Variants in GLIS3 observed in about 807,000 individuals in gnomAD.
GLIS3 encodes the protein zinc finger protein GLIS3.
Under a neutral mutation model 78.6 loss-of-function variants are expected in GLIS3, and 53 were observed. The observed-to-expected ratio is 0.67, with a 90% CI of 0.54 to 0.85. The LOEUF is 0.85. Among genes scored for constraint, GLIS3 ranks in the 40% least tolerant of loss-of-function variants. The pLI, the probability that GLIS3 is intolerant of heterozygous loss-of-function variation, is 0.00. For synonymous variants in GLIS3, 684 were observed against 509.9 expected (o/e 1.34, Z -4.60); for missense variants, 1,703 against 1,231.1 (o/e 1.38, Z -5.74).
chr9:4,364,469 T>C, the GLIS3 span, among the ~76,000 whole-genome samples: 3 of 152,120 alleles, frequency 2.0e-5, no homozygotes, highest in African/African-American at 4.8e-5. Context: ...GTTAAAGGAA[T>C]TGTATGCTAC....
At chr9:4,380,517 C>T in the GLIS3 span, among the ~76,000 whole-genome samples, 2 of 152,200 alleles carry the variant, frequency 1.3e-5, no homozygotes, top group African/African-American at 4.8e-5. Flanking sequence ...TCTATCAGTA[C>T]ATCTCACACT....
chr9:3,827,453 G>C lies in GLIS3; in HGVS notation c.*819C>G, dbSNP rs899392612. On this transcript the variant is annotated 3_prime_UTR_variant, in exon 11 of 11. Coordinates refer to ENST00000381971, the MANE Select transcript of GLIS3 (RefSeq NM_001042413.2). The stretch of plus-strand genomic sequence containing the variant: ...GTTCCAGCTACAGGACTGTTGGTGC[G>C]GGAGGTGCCCACTCCATTTCCCTCA... 6.6e-6 allele frequency: 1 copy of C among 152,270 alleles called. No homozygotes were observed. The highest frequency in any genetic ancestry group is 1.5e-5 in the Non-Finnish European group (1 of 68,136). The allele number at this position is 152,270 out of a possible 1,614,324, so 9.4% of individuals were successfully genotyped here. A position where few individuals can be genotyped will look rare whatever the true frequency, so the allele number is the denominator to read the frequency against.
intron 4 of GLIS3, among the ~76,000 whole-genome samples, chr9:4,009,840 G>C (rs756163695): frequency 6.6e-6 from 1 of 152,206 alleles, no homozygotes; most frequent in African/African-American, 2.4e-5. Flanking sequence ...CCCTTATGCA[G>C]ATAGAGGCAG....
At chr9:4,442,548 A>G in the GLIS3 span, among the ~76,000 whole-genome samples, 1 of 151,876 alleles carries the variant, frequency 6.6e-6, no homozygotes. Context: ...TTTCTAACTC[A>G]TTCCTTTTCA....
the GLIS3 span, among the ~76,000 whole-genome samples, chr9:4,412,640 G>C: frequency 6.6e-6 from 1 of 152,158 alleles, no homozygotes; most frequent in African/African-American, 2.4e-5. Flanking sequence ...TCTGATAATT[G>C]TAAAAAAGCA....
intron 7 of GLIS3, among the ~76,000 whole-genome samples, chr9:3,893,851 C>T (rs1288178240): frequency 6.6e-6 from 1 of 152,146 alleles, no homozygotes; most frequent in Non-Finnish European, 1.5e-5. Flanking sequence ...CACAAGATTT[C>T]CAGGTGATTT....
the GLIS3 span, among the ~76,000 whole-genome samples, chr9:4,482,168 G>C: frequency 6.6e-6 from 1 of 152,182 alleles, no homozygotes; most frequent in African/African-American, 2.4e-5. Context: ...GAGGCAGACA[G>C]AGAACTTTTC....
chr9:3,992,174 G>C lies in GLIS3; in HGVS notation c.1711-54985C>G, dbSNP rs1042631315. Among the ~76,000 whole-genome samples, 9 of 152,276 alleles carry C rather than the reference G, an allele frequency of 5.9e-5. No homozygotes were observed. The East Asian group carries it at 1.7e-3, about 29-fold the overall frequency. Reference sequence around the variant, plus strand: ...AAATGATGTTAGAATGTAACATTTGGAGGACAAGGAGTAGTGGCATTTATT... The same window carrying C: ...AAATGATGTTAGAATGTAACATTTGCAGGACAAGGAGTAGTGGCATTTATT... On this transcript the variant is annotated intron_variant, in intron 4 of 10. Coordinates refer to ENST00000381971, the MANE Select transcript of GLIS3 (RefSeq NM_001042413.2).
At chr9:4,245,423 C>G (rs1178216697) in intron 2 of GLIS3, among the ~76,000 whole-genome samples, 1 of 152,148 alleles carries the variant, frequency 6.6e-6, no homozygotes, top group Non-Finnish European at 1.5e-5. Flanking sequence ...TTTTCAGGTT[C>G]TACATGTTAT....
At chr9:3,872,097 T>A (rs1426122051) in intron 8 of GLIS3, among the ~76,000 whole-genome samples, 3 of 152,210 alleles carry the variant, frequency 2.0e-5, no homozygotes, top group Non-Finnish European at 4.4e-5. Flanking sequence ...CACCACTACC[T>A]TTGCTAAAAC....
At chr9:4,386,409 T>C in the GLIS3 span, 1 of 152,226 alleles carries the variant, frequency 6.6e-6, no homozygotes. Context: ...AATTATGATT[T>C]TTTTAAATGA....
At chr9:4,105,904 C>A (rs1830713823) in intron 4 of GLIS3, among the ~76,000 whole-genome samples, 1 of 152,130 alleles carries the variant, frequency 6.6e-6, no homozygotes, top group African/African-American at 2.4e-5. Context: ...AGAGTCCTCA[C>A]CAGCAGTGGG....
chr9:4,262,660 T>A (rs976503196), intron 2 of GLIS3, among the ~76,000 whole-genome samples: 6 of 152,130 alleles, frequency 3.9e-5, no homozygotes, highest in Admixed American at 3.9e-4. Flanking sequence ...CATTCTTATA[T>A]AGCCAAAATT....
At chr9:4,257,816 G>A (rs1236988973) in intron 2 of GLIS3, among the ~76,000 whole-genome samples, 1 of 151,962 alleles carries the variant, frequency 6.6e-6, no homozygotes, top group African/African-American at 2.4e-5. Flanking sequence ...CTCATGATCT[G>A]CCCGCCTCTG....
At chr9:4,395,032 A>G in the GLIS3 span, among the ~76,000 whole-genome samples, 1,108 of 152,342 alleles carry the variant, frequency 7.3e-3, 8 homozygotes, top group South Asian at 0.028. Context: ...CCACGAATCT[A>G]GAGTATCTAT....
At chr9:4,472,832 A>G in the GLIS3 span, among the ~76,000 whole-genome samples, 1 of 152,178 alleles carries the variant, frequency 6.6e-6, no homozygotes, top group African/African-American at 2.4e-5. Flanking sequence ...ATTATATATA[A>G]TTATTGATAT....
At chr9:3,967,484 T>C (rs1290086839) in intron 4 of GLIS3, among the ~76,000 whole-genome samples, 1 of 151,562 alleles carries the variant, frequency 6.6e-6, no homozygotes, top group African/African-American at 2.4e-5. Flanking sequence ...GCCTGGGCAA[T>C]AGAGCGAGAC....
At chr9:4,298,159 G>A (rs1447823288) in intron 1 of GLIS3, among the ~76,000 whole-genome samples, 1 of 152,080 alleles carries the variant, frequency 6.6e-6, no homozygotes, top group Non-Finnish European at 1.5e-5. Context: ...GGGAAGCCCG[G>A]GCGCCGGGGA....
At chr9:4,366,129 A>G in the GLIS3 span, among the ~76,000 whole-genome samples, 140,531 of 152,212 alleles carry the variant, frequency 0.92, 64,945 homozygotes, top group East Asian at 1. Context: ...GAGATAGGAC[A>G]GAGGATATAA....
Sources: gnomAD v4.1 joint callset for allele counts (sites outside exome capture counted in the v4.1 genomes callset) on GRCh38, gnomAD v4.1.1 for gene constraint, MANE v1.5 for transcripts, NCBI Gene and HGNC (gene_info 2026-07-23, HGNC 2026-07-21) for gene names.